LRP1B: variants seen among roughly 807,000 people sequenced by gnomAD.
LRP1B encodes the protein low-density lipoprotein receptor-related protein 1B.
In LRP1B, 217 loss-of-function variants were observed where a neutral mutation model predicts 556.6. The observed-to-expected ratio is 0.39, with a 90% CI of 0.35 to 0.44. LRP1B has a LOEUF of 0.44. Ranked by LOEUF, LRP1B falls within the 20% of genes least tolerant of loss-of-function variation. The pLI is 1.00. For synonymous variants in LRP1B, 2,047 were observed against 1,865.8 expected, an observed-to-expected ratio of 1.10 and a Z score of -2.50; for missense variants, 5,053 against 5,620.8, an observed-to-expected ratio of 0.90 and a Z score of 3.23.
chr2:142,026,230 C>T (rs965681697), intron 1 of LRP1B, among the ~76,000 whole-genome samples: 2 of 152,098 alleles, frequency 1.3e-5, no homozygotes, highest in Non-Finnish European at 2.9e-5. Flanking sequence ...TTTTTACTCT[C>T]ATTTTTAACT....
At chr2:140,649,941 G>A (rs1017488853) in intron 41 of LRP1B, among the ~76,000 whole-genome samples, 1 of 152,080 alleles carries the variant, frequency 6.6e-6, no homozygotes, top group Non-Finnish European at 1.5e-5. Context: ...CTTGAAACAT[G>A]TCATTCAATT....
intron 81 of LRP1B, among the ~76,000 whole-genome samples, chr2:140,322,544 G>T (rs1031628347): frequency 6.6e-6 from 1 of 152,032 alleles, no homozygotes; most frequent in Non-Finnish European, 1.5e-5. Flanking sequence ...TTAATAAAAA[G>T]GATGAAAATG....
At chr2:140,543,612 G>A (rs969419712) in intron 43 of LRP1B, among the ~76,000 whole-genome samples, 7 of 151,612 alleles carry the variant, frequency 4.6e-5, no homozygotes, top group Non-Finnish European at 1.0e-4. Flanking sequence ...CACAAAACAG[G>A]GGTGATCACT....
intron 2 of LRP1B, among the ~76,000 whole-genome samples, chr2:141,614,930 A>T (rs1159318159): frequency 1.3e-5 from 2 of 152,234 alleles, no homozygotes; most frequent in Non-Finnish European, 2.9e-5. Context: ...GCATCCTGGT[A>T]TAATAACGTG....
chr2:140,932,980 T>TACACATATACACATATACATATACACA (rs1559202697), intron 20 of LRP1B, among the ~76,000 whole-genome samples: 4 of 151,612 alleles, frequency 2.6e-5, no homozygotes, highest in South Asian at 2.1e-4. Context: ...TGTATATATA[T>TACACATATACACATATACATATACACA]TCTGATGCCA....
chr2:142,078,669 C>A (rs1228355362), intron 1 of LRP1B, among the ~76,000 whole-genome samples: 1 of 152,164 alleles, frequency 6.6e-6, no homozygotes, highest in African/African-American at 2.4e-5. Flanking sequence ...AGAGTCTAAG[C>A]TCTATTCCTA....
intron 3 of LRP1B, among the ~76,000 whole-genome samples, chr2:141,317,441 A>C (rs1463668343): frequency 1.3e-5 from 2 of 152,038 alleles, no homozygotes; most frequent in East Asian, 3.9e-4. Flanking sequence ...TTTTGTAAGG[A>C]TATCAGCCAT....
At chr2:142,003,269 C>T (rs1436191807) in intron 1 of LRP1B, among the ~76,000 whole-genome samples, 2 of 152,170 alleles carry the variant, frequency 1.3e-5, no homozygotes, top group African/African-American at 2.4e-5. Context: ...TATCAAATGC[C>T]TAATGCACAA....
intron 7 of LRP1B, among the ~76,000 whole-genome samples, chr2:141,089,235 G>A (rs72985109): frequency 0.012 from 1,852 of 152,188 alleles, 45 homozygotes; most frequent in African/African-American, 0.042. Context: ...TAAAGTCTTC[G>A]TATTGTTTTT....
chr2:141,968,081 G>T (rs1300309628), intron 1 of LRP1B, among the ~76,000 whole-genome samples: 1 of 151,776 alleles, frequency 6.6e-6, no homozygotes, highest in Non-Finnish European at 1.5e-5. Context: ...AACTACTTAG[G>T]CTTGCACCCT....
intron 15 of LRP1B, among the ~76,000 whole-genome samples, chr2:140,996,900 G>A (rs951587338): frequency 6.6e-6 from 1 of 151,984 alleles, no homozygotes; most frequent in Admixed American, 6.6e-5. Context: ...TTCTGTTCCA[G>A]TGCATAATGT....
At chr2:141,605,283 G>A (rs1452343845) in intron 2 of LRP1B, among the ~76,000 whole-genome samples, 2 of 151,918 alleles carry the variant, frequency 1.3e-5, no homozygotes, top group Non-Finnish European at 2.9e-5. Flanking sequence ...GAAGAATATT[G>A]ATTGGGGACA....
At chr2:141,096,628 G>T (rs1021342764) in intron 7 of LRP1B, among the ~76,000 whole-genome samples, 1 of 33,640 alleles carries the variant, frequency 3.0e-5, no homozygotes, top group South Asian at 1.3e-3. Context: ...CGGGGAGAGG[G>T]GGAGAGAGAG....
chr2:141,821,266 G>T (rs1696743443), intron 1 of LRP1B, among the ~76,000 whole-genome samples: 1 of 152,200 alleles, frequency 6.6e-6, no homozygotes. Flanking sequence ...AGCAAAGAGA[G>T]ACTAAAACAA....
intron 66 of LRP1B, among the ~76,000 whole-genome samples, chr2:140,404,881 C>T (rs553110107): frequency 6.6e-5 from 10 of 152,280 alleles, no homozygotes; most frequent in African/African-American, 9.6e-5. Flanking sequence ...ATTGACTTAA[C>T]AGATTTCTAC....
chr2:140,718,692 A>G (rs1447007457), intron 35 of LRP1B, among the ~76,000 whole-genome samples: 6 of 152,054 alleles, frequency 3.9e-5, no homozygotes, highest in African/African-American at 1.4e-4. Context: ...CATCTCATCC[A>G]AGGTAAAATT....
At chr2:141,846,651 G>A (rs1198780933) in intron 1 of LRP1B, among the ~76,000 whole-genome samples, 1 of 151,314 alleles carries the variant, frequency 6.6e-6, no homozygotes, top group East Asian at 1.9e-4. Flanking sequence ...AACCAATATA[G>A]TGTGAGTAAA....
At chr2:140,835,439 C>T (rs1691865835) in intron 31 of LRP1B, among the ~76,000 whole-genome samples, 3 of 152,204 alleles carry the variant, frequency 2.0e-5, no homozygotes, top group Admixed American at 1.3e-4. Context: ...CGTCTTTTCT[C>T]CCCTTTCCCT....
At chr2:140,999,095 A>G (rs1413554357) in intron 15 of LRP1B, among the ~76,000 whole-genome samples, 1 of 152,004 alleles carries the variant, frequency 6.6e-6, no homozygotes, top group African/African-American at 2.4e-5. Flanking sequence ...TCTTTGAAAA[A>G]CCTTTACAAT....
Sources: gnomAD v4.1 joint callset for allele counts (sites outside exome capture counted in the v4.1 genomes callset) on GRCh38, gnomAD v4.1.1 for gene constraint, MANE v1.5 for transcripts, NCBI Gene and HGNC (gene_info 2026-07-23, HGNC 2026-07-21) for gene names.